CORO2A: variants seen among roughly 807,000 people sequenced by gnomAD.
CORO2A encodes coronin 2A.
A neutral mutation model predicts 62.4 loss-of-function variants in CORO2A; 47 were observed. The ratio of observed to expected loss-of-function variants is 0.75; its 90% confidence interval spans 0.60 to 0.96. The LOEUF is 0.96. Ranked by LOEUF, CORO2A falls within the 40% of genes least tolerant of loss-of-function variation. The pLI is 0.00. For synonymous variants in CORO2A, 273 were observed against 268.9 expected (o/e 1.02, Z -0.15); for missense variants, 610 against 684.1 (o/e 0.89, Z 1.21).
rs747955238 is a variant in CORO2A, at chr9:98,124,773, C to A, written c.*1G>T. ...AGGGTGAGGAGGGCAGAGGTCTCTG[C>A]TCAGAGCTGCTCTGAGCCCATCCGC... On this transcript the variant is annotated 3_prime_UTR_variant, in exon 12 of 12. Coordinates refer to ENST00000375077, the MANE Select transcript of CORO2A (RefSeq NM_052820.4). 6.2e-7 allele frequency: 1 copy of A among 1,610,240 alleles called. No homozygotes were observed. Among genetic ancestry groups the A allele is most frequent in the South Asian group, 1.1e-5 (1 of 89,984 alleles).
chr9:98,181,959 G>A (rs1253318357), intron 1 of CORO2A, among the ~76,000 whole-genome samples: 1 of 152,064 alleles, frequency 6.6e-6, no homozygotes, highest in Non-Finnish European at 1.5e-5. Context: ...CCTTAAAAGA[G>A]CCATCTCATC....
intron 1 of CORO2A, among the ~76,000 whole-genome samples, chr9:98,165,185 C>G (rs759557067): frequency 1.3e-5 from 2 of 152,142 alleles, no homozygotes; most frequent in African/African-American, 2.4e-5. Context: ...TCTTGAACAC[C>G]TGGCCTCAGG....
chr9:98,171,362 T>C (rs1828031991), intron 1 of CORO2A, among the ~76,000 whole-genome samples: 1 of 152,220 alleles, frequency 6.6e-6, no homozygotes, highest in Non-Finnish European at 1.5e-5. Flanking sequence ...GCCCTCACTC[T>C]GCCTGCCTCA....
intron 2 of CORO2A, among the ~76,000 whole-genome samples, chr9:98,151,472 A>G (rs1337079252): frequency 6.6e-6 from 1 of 152,168 alleles, no homozygotes; most frequent in African/African-American, 2.4e-5. Context: ...TATATCATCT[A>G]AATATTCCCA....
chr9:98,134,909 G>A lies in CORO2A; in HGVS notation c.365C>T (p.Thr122Met), dbSNP rs142497032. The change falls in exon 4 of 12, where the codon ACG becomes ATG. Residue 122 changes from threonine to methionine, a missense_variant. Thr to Met is a moderately conservative substitution (Grantham distance 81, BLOSUM62 -1). Transcript: ENST00000375077. ...GCCCACGAGTTCCTTCCTGTAGGCCGTGAGGTTCCTGGTCAGCAGCTGCTT... is the reference window on the plus strand; with the variant it reads ...GCCCACGAGTTCCTTCCTGTAGGCCATGAGGTTCCTGGTCAGCAGCTGCTT... ...IPKQLLTRNLTAYRKELVGHA... is the reference protein window; with the variant it reads ...IPKQLLTRNLMAYRKELVGHA... The A allele has an allele frequency of 1.1e-4, 173 of 1,614,168 alleles. No individual in the cohort carries two copies. Among genetic ancestry groups the A allele is most frequent in the Admixed American group, 1.5e-4 (9 of 60,026 alleles).
At chr9:98,148,697 A>T (rs1052035304) in intron 2 of CORO2A, among the ~76,000 whole-genome samples, 10 of 152,056 alleles carry the variant, frequency 6.6e-5, no homozygotes, top group African/African-American at 1.7e-4. Context: ...GGCTGCAGTG[A>T]GATATGATCA....
At position 98,128,602 on chromosome 9, in the gene CORO2A, C is replaced by T; in HGVS notation, c.1080+5G>A. The T allele has an allele frequency of 6.2e-7, 1 of 1,613,674 alleles. No homozygotes were observed. The stretch of plus-strand genomic sequence containing the variant: ...TGCCTCCCATGCGGTCCCGACTGCC[C>T]TTACCCGCCGGGGCACAATCATGGA... On this transcript the variant is annotated splice_donor_5th_base_variant and intron_variant, in intron 9 of 11. Transcript: ENST00000375077.
intron 1 of CORO2A, among the ~76,000 whole-genome samples, chr9:98,186,514 A>G (rs1158966483): frequency 6.6e-6 from 1 of 152,144 alleles, no homozygotes; most frequent in African/African-American, 2.4e-5. Flanking sequence ...AAATGTTCAT[A>G]TTGATTATGT....
intron 7 of CORO2A, among the ~76,000 whole-genome samples, chr9:98,130,611 C>T (rs1005576623): frequency 2.4e-4 from 36 of 152,212 alleles, no homozygotes; most frequent in African/African-American, 8.2e-4. Flanking sequence ...AGATGCTGTT[C>T]TTGGCACTGG....
chr9:98,177,457 GTTTTTT>G (rs1174402008), intron 1 of CORO2A, among the ~76,000 whole-genome samples: 1 of 98,346 alleles, frequency 1.0e-5, no homozygotes, highest in Non-Finnish European at 1.9e-5. Flanking sequence ...TCCAAACTTT[GTTTTTT>G]TTTTTTTTTT....
At chr9:98,148,163 G>A (rs552858138) in intron 2 of CORO2A, among the ~76,000 whole-genome samples, 1 of 151,712 alleles carries the variant, frequency 6.6e-6, no homozygotes, top group African/African-American at 2.4e-5. Flanking sequence ...GGGAGGCTGA[G>A]GCAGGCAGAT....
intron 2 of CORO2A, among the ~76,000 whole-genome samples, chr9:98,149,687 A>G (rs1021031346): frequency 6.6e-6 from 1 of 152,152 alleles, no homozygotes; most frequent in Non-Finnish European, 1.5e-5. Flanking sequence ...AGCTGCCCCC[A>G]TGACCCAAAC....
chr9:98,152,342 T>C (rs1276348518), intron 2 of CORO2A, among the ~76,000 whole-genome samples: 2 of 152,064 alleles, frequency 1.3e-5, no homozygotes, highest in South Asian at 4.1e-4. Flanking sequence ...TAGGCTGGAG[T>C]GCAGTGGCAC....
At chr9:98,146,732 C>T (rs984216784) in intron 2 of CORO2A, among the ~76,000 whole-genome samples, 2 of 152,204 alleles carry the variant, frequency 1.3e-5, no homozygotes, top group Admixed American at 1.3e-4. Flanking sequence ...CAGGTCTGGG[C>T]TCCCATTCGG....
chr9:98,176,225 T>C (rs763227837), intron 1 of CORO2A, among the ~76,000 whole-genome samples: 8 of 152,136 alleles, frequency 5.3e-5, no homozygotes, highest in Non-Finnish European at 1.2e-4. Flanking sequence ...AACCCATGAG[T>C]GTTGATTTAG....
chr9:98,191,928 C>T (rs1275213903), intron 1 of CORO2A, among the ~76,000 whole-genome samples: 2 of 152,246 alleles, frequency 1.3e-5, no homozygotes, highest in South Asian at 2.1e-4. Flanking sequence ...AATCGAGGTG[C>T]CTACGTGGGG....
intron 1 of CORO2A, among the ~76,000 whole-genome samples, chr9:98,164,747 C>G (rs1202042115): frequency 1.3e-5 from 2 of 152,148 alleles, no homozygotes; most frequent in Non-Finnish European, 2.9e-5. Context: ...ACCTAACAGT[C>G]TCACCCCACA....
intron 1 of CORO2A, among the ~76,000 whole-genome samples, chr9:98,191,933 G>C (rs1355797726): frequency 3.3e-5 from 5 of 152,338 alleles, no homozygotes; most frequent in East Asian, 3.9e-4. Context: ...AGGTGCCTAC[G>C]TGGGGCTGGT....
intron 2 of CORO2A, among the ~76,000 whole-genome samples, chr9:98,138,210 T>A (rs1405864955): frequency 2.0e-5 from 3 of 151,378 alleles, no homozygotes; most frequent in East Asian, 1.9e-4. Flanking sequence ...AGGTCAGGAG[T>A]TCGAGACCAG....
Sources: gnomAD v4.1 joint callset for allele counts (sites outside exome capture counted in the v4.1 genomes callset) on GRCh38, gnomAD v4.1.1 for gene constraint, MANE v1.5 for transcripts, NCBI Gene and HGNC (gene_info 2026-07-23, HGNC 2026-07-21) for gene names.